CTNNBL1: variants seen among roughly 807,000 people sequenced by gnomAD.
CTNNBL1 encodes beta-catenin-like protein 1.
A neutral mutation model predicts 72.7 loss-of-function variants in CTNNBL1; 31 were observed. That is an observed-to-expected ratio of 0.43 (90% CI 0.32 to 0.58). The LOEUF (loss-of-function observed/expected upper bound fraction) is 0.58, where lower values mean the gene tolerates loss of function less well. Among genes scored for constraint, CTNNBL1 ranks in the 20% least tolerant of loss-of-function variants. The probability of loss-of-function intolerance (pLI) is 0.08; values close to 1 mark genes in which losing one functional copy is unlikely to be tolerated. For synonymous variants in CTNNBL1, 240 were observed against 267.3 expected, an observed-to-expected ratio of 0.90 and a Z score of 1.00; for missense variants, 534 against 725.1, an observed-to-expected ratio of 0.74 and a Z score of 3.03.
intron 7 of CTNNBL1, among the ~76,000 whole-genome samples, chr20:37,775,451 T>A (rs1204537856): frequency 6.6e-6 from 1 of 152,246 alleles, no homozygotes; most frequent in Non-Finnish European, 1.5e-5. Flanking sequence ...TTTCACTGTG[T>A]TCTCCTTGAA....
chr20:37,776,126 T>C (rs1000016523), intron 7 of CTNNBL1, among the ~76,000 whole-genome samples: 2 of 152,240 alleles, frequency 1.3e-5, no homozygotes, highest in African/African-American at 4.8e-5. Flanking sequence ...CTGACTATTA[T>C]GCTGAATTTC....
chr20:37,779,433 G>A, intron 10 of CTNNBL1, 98 bp downstream of exon 10: 1 of 1,401,434 alleles, frequency 7.1e-7, no homozygotes, highest in African/African-American at 1.4e-5. Flanking sequence ...TTATTCTGTT[G>A]GGTTTCCTAG....
In CTNNBL1 at chr20:37,872,047, C is replaced by A. The variant is rs1410762803; in HGVS notation, c.*34C>A. 8 of 1,530,070 alleles carry A rather than the reference C, an allele frequency of 5.2e-6. No individual in the cohort carries two copies. In the East Asian group the frequency reaches 1.6e-4, roughly 30 times the overall value. 94.8% of individuals were successfully genotyped at this position (1,530,070 alleles called of 1,614,324 possible). A position where few individuals can be genotyped will look rare whatever the true frequency, so the allele number is the denominator to read the frequency against. On this transcript the variant is annotated 3_prime_UTR_variant, in exon 16 of 16. Coordinates refer to ENST00000361383, the MANE Select transcript of CTNNBL1 (RefSeq NM_030877.5). ...TGGCCCTGCGCATCATGGACTCTCT[C>A]AGCTTCCCTCCCAGGATCAGTTTCT...
chr20:37,711,833 G>T (rs563226769), intron 1 of CTNNBL1, among the ~76,000 whole-genome samples: 1 of 152,066 alleles, frequency 6.6e-6, no homozygotes, highest in Admixed American at 6.6e-5. Flanking sequence ...GTCATGTATG[G>T]CCAGAGCTTG....
chr20:37,844,883 G>T (rs2235468), intron 13 of CTNNBL1, among the ~76,000 whole-genome samples: 6 of 152,168 alleles, frequency 3.9e-5, no homozygotes, highest in African/African-American at 1.4e-4. Flanking sequence ...GAGAGGTAAG[G>T]GTTGCAACAA....
At chr20:37,699,463 C>G (rs1362327770) in intron 1 of CTNNBL1, among the ~76,000 whole-genome samples, 1 of 152,232 alleles carries the variant, frequency 6.6e-6, no homozygotes, top group Non-Finnish European at 1.5e-5. Flanking sequence ...CTGCCGAAAG[C>G]CAGACAACCA....
chr20:37,851,059 AAATG>A (rs2072392200), intron 13 of CTNNBL1, among the ~76,000 whole-genome samples: 1 of 152,180 alleles, frequency 6.6e-6, no homozygotes, highest in African/African-American at 2.4e-5. Flanking sequence ...TTAACATTTA[AAATG>A]AGTAAGTGGC....
rs6122898 is a variant in CTNNBL1, at chr20:37,715,238, G to A, written c.31-17641G>A. Among the ~76,000 whole-genome samples the A allele has an allele frequency of 2.9e-3, 435 of 152,312 alleles. 5 individuals are homozygous for A. The highest frequency in any genetic ancestry group is 0.017 in the East Asian group (89 of 5,186). On this transcript the variant is annotated intron_variant, in intron 1 of 15. Coordinates refer to ENST00000361383, the MANE Select transcript of CTNNBL1 (RefSeq NM_030877.5). ...CCTTAGGCATAGACTGACGGGCAGC[G>A]TTTGAGTCCCATCTCCACTATTTTC...
rs199760235 is a variant in CTNNBL1 at position 37,796,446 on chromosome 20, C to CT, written c.1032-6404dup. Among the ~76,000 whole-genome samples the CT allele has an allele frequency of 8.3e-3, 1,137 of 137,788 alleles. 7 individuals are homozygous for CT. The highest frequency in any genetic ancestry group is 0.062 in the Middle Eastern group (16 of 260). The allele number at this position is 137,788 out of a possible 152,430, so 90.4% of individuals were successfully genotyped here. The stretch of plus-strand genomic sequence containing the variant: ...GTCTAAAAACCATTGTTTTGTTCAT[C>CT]TTTTTTTTTTTTTTTTTAACTTTCA... On this transcript the variant is annotated intron_variant, in intron 10 of 15. Transcript: ENST00000361383.
intron 1 of CTNNBL1, among the ~76,000 whole-genome samples, chr20:37,726,480 C>T (rs1386625684): frequency 2.0e-5 from 3 of 152,216 alleles, no homozygotes; most frequent in African/African-American, 7.2e-5. Context: ...CTTAAACTCA[C>T]TGGCCTCAGA....
chr20:37,734,781 C>T lies in CTNNBL1; in HGVS notation c.219+1714C>T, dbSNP rs187183036. 1.2e-3 allele frequency among the ~76,000 whole-genome samples: 181 copies of T among 152,336 alleles called. 1 individual carries two copies. Among genetic ancestry groups the T allele is most frequent in the African/African-American group, 3.7e-3 (154 of 41,574 alleles). On this transcript the variant is annotated intron_variant, in intron 2 of 15. Coordinates refer to ENST00000361383, the MANE Select transcript of CTNNBL1 (RefSeq NM_030877.5). ...TCTTTCTGAAATCTCCCTCTGGTTT[C>T]TGACGTTGAGCTATTGGAGATACTG...
chr20:37,817,616 A>G (rs2072071729), intron 11 of CTNNBL1, among the ~76,000 whole-genome samples: 1 of 152,176 alleles, frequency 6.6e-6, no homozygotes, highest in African/African-American at 2.4e-5. Context: ...CTCATCTATA[A>G]CAGTGCTTCT....
intron 11 of CTNNBL1, among the ~76,000 whole-genome samples, chr20:37,814,099 G>A (rs965055644): frequency 6.6e-6 from 1 of 152,132 alleles, no homozygotes; most frequent in Non-Finnish European, 1.5e-5. Flanking sequence ...ATTTTCTGAA[G>A]GTCACACAGC....
chr20:37,867,706 C>T (rs546957069), intron 15 of CTNNBL1, among the ~76,000 whole-genome samples: 3 of 152,194 alleles, frequency 2.0e-5, no homozygotes, highest in African/African-American at 7.2e-5. Flanking sequence ...CACATGCACA[C>T]ACGCACACAC....
At chr20:37,816,790 CAA>C (rs758055546) in intron 11 of CTNNBL1, among the ~76,000 whole-genome samples, 6 of 124,000 alleles carry the variant, frequency 4.8e-5, no homozygotes, top group African/African-American at 3.0e-5. Context: ...TTGATAATCA[CAA>C]AAAAAAAAAA....
intron 1 of CTNNBL1, among the ~76,000 whole-genome samples, chr20:37,717,462 G>A (rs1600440443): frequency 6.6e-6 from 1 of 152,158 alleles, no homozygotes; most frequent in East Asian, 1.9e-4. Flanking sequence ...TTGTATCTGA[G>A]CCTTGGTTTA....
chr20:37,744,999 G>A (rs1229719546), intron 3 of CTNNBL1, among the ~76,000 whole-genome samples: 1 of 152,120 alleles, frequency 6.6e-6, no homozygotes, highest in Non-Finnish European at 1.5e-5. Flanking sequence ...AACATAAAGA[G>A]TATTATCAAT....
chr20:37,861,119 A>G (rs185215827), intron 15 of CTNNBL1, among the ~76,000 whole-genome samples: 1 of 152,318 alleles, frequency 6.6e-6, no homozygotes, highest in African/African-American at 2.4e-5. Flanking sequence ...TGCCTCCTCT[A>G]GCTGCTAGCC....
intron 13 of CTNNBL1, among the ~76,000 whole-genome samples, chr20:37,858,511 G>A (rs979774661): frequency 6.6e-6 from 1 of 152,212 alleles, no homozygotes; most frequent in African/African-American, 2.4e-5. Context: ...ACCATACCCC[G>A]GAATCCCAAG....
Sources: allele counts gnomAD v4.1 joint callset (sites outside exome capture counted in the v4.1 genomes callset), GRCh38; gene constraint gnomAD v4.1.1; transcripts MANE v1.5; gene names NCBI Gene and HGNC (gene_info 2026-07-23, HGNC 2026-07-21).